CSMD1: variants seen among roughly 807,000 people sequenced by gnomAD.
CSMD1 encodes the protein CUB and Sushi multiple domains 1.
In CSMD1, 213 loss-of-function variants were observed where a neutral mutation model predicts 417.5. That is an observed-to-expected ratio of 0.51 (90% CI 0.46 to 0.57). The LOEUF (loss-of-function observed/expected upper bound fraction) is 0.57. Ranked by LOEUF, CSMD1 falls within the 20% of genes least tolerant of loss-of-function variation. The probability of loss-of-function intolerance (pLI) is 0.00; values close to 1 mark genes in which losing one functional copy is unlikely to be tolerated. For synonymous variants in CSMD1, 2,862 were observed against 1,736.8 expected (o/e 1.65, Z -16.11); for missense variants, 6,923 against 4,529.7 (o/e 1.53, Z -15.17).
At chr8:3,361,869 G>C (rs1381556834) in intron 20 of CSMD1, among the ~76,000 whole-genome samples, 1 of 152,156 alleles carries the variant, frequency 6.6e-6, no homozygotes, top group African/African-American at 2.4e-5. Context: ...CATGAGGTTA[G>C]AAGGTGTGTG....
At chr8:4,037,408 A>T (rs930366415) in intron 3 of CSMD1, among the ~76,000 whole-genome samples, 9 of 152,224 alleles carry the variant, frequency 5.9e-5, no homozygotes, top group Admixed American at 3.9e-4. Context: ...GTGGCATTAT[A>T]GAGAATAAAG....
At chr8:3,697,576 G>C (rs999835279) in intron 7 of CSMD1, among the ~76,000 whole-genome samples, 3 of 152,066 alleles carry the variant, frequency 2.0e-5, no homozygotes, top group East Asian at 1.9e-4. Context: ...CATGTAAGAT[G>C]ATTTTATTAC....
At position 3,809,505 on chromosome 8, in the gene CSMD1, A is replaced by T. The variant is rs114908049; in HGVS notation, c.819-55463T>A. ...TGCGTGATCCTTCAGTTTCCTTTTAATTGGGTCATCCCAGAAATTAGTGGG... is the reference window on the plus strand; with the variant it reads ...TGCGTGATCCTTCAGTTTCCTTTTATTTGGGTCATCCCAGAAATTAGTGGG... On this transcript the variant is annotated intron_variant, in intron 5 of 69. Transcript: ENST00000635120. Among the ~76,000 whole-genome samples the T allele has an allele frequency of 2.1e-3, 314 of 152,248 alleles. 1 individual carries two copies. The highest frequency in any genetic ancestry group is 7.4e-3 in the African/African-American group (306 of 41,538).
At chr8:4,042,743 AG>A (rs1297761915) in intron 3 of CSMD1, among the ~76,000 whole-genome samples, 1 of 149,770 alleles carries the variant, frequency 6.7e-6, no homozygotes, top group Non-Finnish European at 1.5e-5. Flanking sequence ...AATACCACAG[AG>A]GCTGGGTAAG....
At chr8:3,881,532 G>A (rs1437089273) in intron 5 of CSMD1, among the ~76,000 whole-genome samples, 2 of 149,450 alleles carry the variant, frequency 1.3e-5, no homozygotes, top group East Asian at 2.0e-4. Context: ...AGCTACTCAG[G>A]AGGCTGAGGT....
chr8:4,330,214 G>A (rs546147297), intron 3 of CSMD1, among the ~76,000 whole-genome samples: 74 of 151,874 alleles, frequency 4.9e-4, no homozygotes, highest in African/African-American at 1.6e-3. Flanking sequence ...CATAACACCC[G>A]TCAGATCCAC....
chr8:3,022,932 A>T (rs1419363312), intron 51 of CSMD1, among the ~76,000 whole-genome samples: 3 of 152,194 alleles, frequency 2.0e-5, no homozygotes, highest in African/African-American at 7.2e-5. Context: ...CAAAGTAAAA[A>T]TGTTCAAACA....
rs114924209 is a variant in CSMD1 at position 3,698,825 on chromosome 8, T to A, written c.1009+9589A>T. 2.1e-3 allele frequency among the ~76,000 whole-genome samples: 323 copies of A among 152,320 alleles called. 1 individual carries two copies. The highest frequency in any genetic ancestry group is 7.6e-3 in the African/African-American group (317 of 41,572). ...CTGGAAAATTATGGCCTGATGAAAATGTCCGTGGGAAAATGATTTCTGAAA... is the reference window on the plus strand; with the variant it reads ...CTGGAAAATTATGGCCTGATGAAAAAGTCCGTGGGAAAATGATTTCTGAAA... On this transcript the variant is annotated intron_variant, in intron 7 of 69. Transcript: ENST00000635120.
chr8:3,191,308 T>C (rs1314351352), intron 33 of CSMD1, among the ~76,000 whole-genome samples: 1 of 151,972 alleles, frequency 6.6e-6, no homozygotes, highest in African/African-American at 2.4e-5. Flanking sequence ...ATACAAAAAT[T>C]AGCCGGGCAT....
intron 2 of CSMD1, among the ~76,000 whole-genome samples, chr8:4,481,623 A>G (rs1021678770): frequency 2.6e-5 from 4 of 152,188 alleles, no homozygotes; most frequent in African/African-American, 9.6e-5. Context: ...ACTTTAACAC[A>G]TGAGGAAATA....
intron 6 of CSMD1, among the ~76,000 whole-genome samples, chr8:3,725,306 C>T (rs1052407942): frequency 2.0e-5 from 3 of 152,122 alleles, no homozygotes; most frequent in African/African-American, 7.2e-5. Flanking sequence ...TGGACAAGTG[C>T]TATTTCAGTC....
chr8:3,336,959 G>C (rs1449689755), intron 23 of CSMD1, among the ~76,000 whole-genome samples: 3 of 152,156 alleles, frequency 2.0e-5, no homozygotes, highest in African/African-American at 4.8e-5. Context: ...AGTTCTAGGA[G>C]ACTGACCTTA....
chr8:4,083,450 G>C (rs984807327), intron 3 of CSMD1, among the ~76,000 whole-genome samples: 1 of 152,076 alleles, frequency 6.6e-6, no homozygotes, highest in Non-Finnish European at 1.5e-5. Context: ...ATACTACAAG[G>C]CTACAGTAAC....
chr8:3,164,275 G>C (rs996252634), intron 37 of CSMD1, among the ~76,000 whole-genome samples: 5 of 152,150 alleles, frequency 3.3e-5, no homozygotes, highest in African/African-American at 1.2e-4. Context: ...TAGGTAGGAG[G>C]AGTGCCACGA....
intron 25 of CSMD1, among the ~76,000 whole-genome samples, chr8:3,302,731 A>G (rs1028502245): frequency 6.6e-6 from 1 of 152,214 alleles, no homozygotes; most frequent in Non-Finnish European, 1.5e-5. Flanking sequence ...CGTTATCCAT[A>G]TAGTGATGTA....
chr8:3,025,865 G>A (rs1202682344), intron 51 of CSMD1, among the ~76,000 whole-genome samples: 1 of 152,138 alleles, frequency 6.6e-6, no homozygotes, highest in African/African-American at 2.4e-5. Context: ...ACGTAAAATT[G>A]TATCCGTTTT....
At position 4,248,270 on chromosome 8, in the gene CSMD1, G is replaced by C. The variant is rs537827375; in HGVS notation, c.415+171683C>G. On this transcript the variant is annotated intron_variant, in intron 3 of 69. Coordinates refer to ENST00000635120, the MANE Select transcript of CSMD1 (RefSeq NM_033225.6). ...AGGAACATTCAAGTCTTAATTTCTAGTCCACTATTCTTTATACAAACAATC... is the reference window on the plus strand; with the variant it reads ...AGGAACATTCAAGTCTTAATTTCTACTCCACTATTCTTTATACAAACAATC... 3.3e-5 allele frequency among the ~76,000 whole-genome samples: 5 copies of C among 152,182 alleles called. No individual in the cohort carries two copies. In the South Asian group the frequency reaches 6.2e-4, roughly 19 times the overall value.
intron 50 of CSMD1, among the ~76,000 whole-genome samples, chr8:3,051,813 G>C (rs1457900894): frequency 6.6e-6 from 1 of 152,172 alleles, no homozygotes; most frequent in Non-Finnish European, 1.5e-5. Context: ...GAAATTTAGT[G>C]TGTATGTGAG....
intron 10 of CSMD1, among the ~76,000 whole-genome samples, chr8:3,559,022 T>C (rs1420435499): frequency 6.6e-6 from 1 of 152,192 alleles, no homozygotes; most frequent in Non-Finnish European, 1.5e-5. Flanking sequence ...TGGTGACCTG[T>C]CATGAAAGAT....
Sources: gnomAD v4.1 joint callset for allele counts (sites outside exome capture counted in the v4.1 genomes callset) on GRCh38, gnomAD v4.1.1 for gene constraint, MANE v1.5 for transcripts, NCBI Gene and HGNC (gene_info 2026-07-23, HGNC 2026-07-21) for gene names.